The following DYNC2LI1 variants were observed in gnomAD, a reference collection of about 807,000 sequenced individuals.
DYNC2LI1 encodes cytoplasmic dynein 2 light intermediate chain 1.
DYNC2LI1 carries 45 observed loss-of-function variants against 51.9 expected under a neutral mutation model. That is an observed-to-expected ratio of 0.87 (90% confidence interval 0.68 to 1.11). The LOEUF is 1.11. Ranked by LOEUF, DYNC2LI1 falls within the 50% of genes most tolerant of loss-of-function variation. The pLI is 0.00. For missense variants in DYNC2LI1, 490 were observed against 417.4 expected (o/e 1.17, Z -1.51); for synonymous variants, 130 against 137.8 (o/e 0.94, Z 0.40).
At chr2:43,787,338 A>G (rs1162704514) in intron 4 of DYNC2LI1, 88 bp downstream of exon 4, 12 of 1,135,974 alleles carry the variant, frequency 1.1e-5, no homozygotes, top group African/African-American at 4.6e-5. Flanking sequence ...TCTCATCTGT[A>G]ATCAATAAAC....
At chr2:43,824,364 T>C in the DYNC2LI1 span, 1 of 1,614,218 alleles carries the variant, frequency 6.2e-7, no homozygotes, top group Non-Finnish European at 8.5e-7. Context: ...GCAGATTCTA[T>C]CATCTGGACT....
intron 3 of DYNC2LI1, among the ~76,000 whole-genome samples, chr2:43,784,173 T>G (rs1480250080): frequency 1.3e-5 from 2 of 152,206 alleles, no homozygotes; most frequent in African/African-American, 2.4e-5. Flanking sequence ...AAGGTCACAT[T>G]AAAGAAACAT....
rs149608511 is a variant in DYNC2LI1, at chr2:43,787,060, T to C, written c.162-121T>C. The C allele has an allele frequency of 5.3e-4, 365 of 690,814 alleles. 1 individual carries two copies. The African/African-American group carries it at 5.5e-3, about 10-fold the overall frequency. 42.8% of individuals were successfully genotyped at this position (690,814 alleles called of 1,614,324 possible). A position where few individuals can be genotyped will look rare whatever the true frequency, so the allele number is the denominator to read the frequency against. The stretch of plus-strand genomic sequence containing the variant: ...AATATAATTTATTTCAACGCTATTA[T>C]ACAAGGTAACTTCTCTACTAATAAA... On this transcript the variant is annotated intron_variant, in intron 3 of 12. Transcript: ENST00000260605.
chr2:43,787,453 TTA>T (rs1446225269), intron 4 of DYNC2LI1, among the ~76,000 whole-genome samples: 1 of 152,260 alleles, frequency 6.6e-6, no homozygotes, highest in Non-Finnish European at 1.5e-5. Flanking sequence ...TTCTCATTTA[TTA>T]TGTCTTAAAA....
intron 5 of DYNC2LI1, among the ~76,000 whole-genome samples, chr2:43,790,209 T>C (rs1381374604): frequency 6.6e-6 from 1 of 152,210 alleles, no homozygotes; most frequent in Non-Finnish European, 1.5e-5. Flanking sequence ...TTGCTGACCT[T>C]AGAGAAATAG....
At chr2:43,784,484 G>A (rs142270221) in intron 3 of DYNC2LI1, among the ~76,000 whole-genome samples, 230 of 151,632 alleles carry the variant, frequency 1.5e-3, no homozygotes, top group African/African-American at 5.2e-3. Context: ...TTGTTGCCCA[G>A]GCTGGAGTGC....
intron 2 of DYNC2LI1, among the ~76,000 whole-genome samples, chr2:43,778,352 C>T (rs984738502): frequency 1.3e-5 from 2 of 152,080 alleles, no homozygotes; most frequent in African/African-American, 4.8e-5. Context: ...TGGGGTTTCA[C>T]TGCGTTGCCC....
intron 7 of DYNC2LI1, among the ~76,000 whole-genome samples, chr2:43,796,319 T>G (rs1410671532): frequency 4.2e-5 from 6 of 142,580 alleles, no homozygotes; most frequent in African/African-American, 1.7e-4. Flanking sequence ...GGTTACACAG[T>G]GAGACACTTG....
the DYNC2LI1 span, among the ~76,000 whole-genome samples, chr2:43,815,210 C>T: frequency 6.6e-6 from 1 of 152,184 alleles, no homozygotes; most frequent in Non-Finnish European, 1.5e-5. Flanking sequence ...AAATATGTCT[C>T]CTCTCCAATC....
At chr2:43,818,399 G>C in the DYNC2LI1 span, among the ~76,000 whole-genome samples, 11 of 152,130 alleles carry the variant, frequency 7.2e-5, no homozygotes, top group Non-Finnish European at 1.3e-4. Context: ...AGCTGAGATC[G>C]CGCCATTGCA....
downstream of DYNC2LI1, chr2:43,812,923 A>G: frequency 1.7e-6 from 1 of 595,130 alleles, no homozygotes; most frequent in Non-Finnish European, 3.0e-6. Flanking sequence ...AAGTTGTAAG[A>G]GCAAGGGACT....
At chr2:43,784,426 G>T (rs1253166451) in intron 3 of DYNC2LI1, among the ~76,000 whole-genome samples, 5 of 151,832 alleles carry the variant, frequency 3.3e-5, no homozygotes, top group African/African-American at 9.7e-5. Flanking sequence ...GAGTTGAAAA[G>T]TATTAATTTC....
chr2:43,810,466 C>G (rs941354768), downstream of DYNC2LI1: 3 of 985,242 alleles, frequency 3.0e-6, no homozygotes, highest in Non-Finnish European at 3.6e-6. Flanking sequence ...GGTGGGATAG[C>G]CTTTAAGAAG....
rs1021728659 is a variant in DYNC2LI1 at position 43,791,862 on chromosome 2, G to A, written c.320+2141G>A. On this transcript the variant is annotated intron_variant, in intron 5 of 12. Coordinates refer to ENST00000260605, the MANE Select transcript of DYNC2LI1 (RefSeq NM_016008.4). ...TGTAGTCTGAATCTCTGTTTTAGGA[G>A]TTTATGTAAAAAAATTTTTTGGCTA... Among the ~76,000 whole-genome samples, 6 of 152,214 alleles carry A rather than the reference G, an allele frequency of 3.9e-5. No individual in the cohort carries two copies. The East Asian group carries it at 5.8e-4, about 15-fold the overall frequency.
the DYNC2LI1 span, chr2:43,826,600 T>C: frequency 6.3e-7 from 1 of 1,599,918 alleles, no homozygotes; most frequent in Non-Finnish European, 8.5e-7. Context: ...TTCTGAACTG[T>C]TCCTTATTGA....
chr2:43,827,884 C>A, the DYNC2LI1 span: 1 of 1,552,402 alleles, frequency 6.4e-7, no homozygotes, highest in South Asian at 1.2e-5. Flanking sequence ...TACACAAACC[C>A]CTTTCCAAAT....
intron 12 of DYNC2LI1, among the ~76,000 whole-genome samples, chr2:43,808,964 T>TACACACACACACACAC (rs56090427): frequency 4.8e-5 from 7 of 145,466 alleles, no homozygotes; most frequent in African/African-American, 1.8e-4. Context: ...GGACAAAGGA[T>TACACACACACACACAC]ACACACACAC....
Position 43,804,664 on chromosome 2 carries a change from T to A in DYNC2LI1, c.825T>A (p.Asn275Lys). The stretch of plus-strand genomic sequence containing the variant: ...TAGGATCTCCTCCTGTTCCTGAAAA[T>A]GACATTGGAAAGCTTCATGCCCACT... The part of the protein sequence containing the change: ...GQIGSPPVPE[N>K]DIGKLHAHSP... The change falls in exon 11 of 13, where the codon AAT becomes AAA. Residue 275 changes from asparagine to lysine, a missense_variant. Physicochemically the swap from Asn to Lys is moderately conservative, Grantham distance 94 (BLOSUM62 0). Coordinates refer to ENST00000260605, the MANE Select transcript of DYNC2LI1 (RefSeq NM_016008.4). The A allele has an allele frequency of 6.2e-7, 1 of 1,605,774 alleles. No homozygotes were observed. Among genetic ancestry groups the A allele is most frequent in the Non-Finnish European group, 8.5e-7 (1 of 1,177,226 alleles).
the DYNC2LI1 span, among the ~76,000 whole-genome samples, chr2:43,818,729 C>A: frequency 5.3e-5 from 8 of 152,094 alleles, no homozygotes; most frequent in African/African-American, 1.4e-4. Context: ...GAAAAAATAT[C>A]CTCCTTGATT....
Sources: gnomAD v4.1 joint callset for allele counts (sites outside exome capture counted in the v4.1 genomes callset) on GRCh38, gnomAD v4.1.1 for gene constraint, MANE v1.5 for transcripts, NCBI Gene and HGNC (gene_info 2026-07-23, HGNC 2026-07-21) for gene names.